The following AGBL1 variants were observed in gnomAD, a reference collection of about 807,000 sequenced individuals.
AGBL1 encodes the protein AGBL carboxypeptidase 1.
In AGBL1, 130 loss-of-function variants were observed where a neutral mutation model predicts 118.9. The ratio of observed to expected loss-of-function variants is 1.09; its 90% CI spans 0.95 to 1.26. The LOEUF (loss-of-function observed/expected upper bound fraction) is 1.26. Among genes scored for constraint, AGBL1 ranks in the 50% most tolerant of loss-of-function variants. AGBL1 has a pLI of 0.00. For synonymous variants in AGBL1, 555 were observed against 478.9 expected (o/e 1.16, Z -2.08); for missense variants, 1,584 against 1,298.1 (o/e 1.22, Z -3.38).
chr15:86,321,367 G>A (rs12443463), intron 17 of AGBL1, among the ~76,000 whole-genome samples: 99,109 of 151,602 alleles, frequency 0.65, 34,028 homozygotes, highest in African/African-American at 0.87. Flanking sequence ...TATTTAATCT[G>A]ACTTTTAACC....
chr15:86,433,622 A>G (rs2081966970), intron 18 of AGBL1, among the ~76,000 whole-genome samples: 1 of 152,150 alleles, frequency 6.6e-6, no homozygotes, highest in South Asian at 2.1e-4. Flanking sequence ...GGATGTTCCC[A>G]TGAGAACTCT....
chr15:86,498,873 C>G (rs2082885092), intron 18 of AGBL1, among the ~76,000 whole-genome samples: 1 of 151,802 alleles, frequency 6.6e-6, no homozygotes, highest in Non-Finnish European at 1.5e-5. Context: ...AAAGTACAGG[C>G]CTGAATTTTC....
intron 21 of AGBL1, among the ~76,000 whole-genome samples, chr15:86,667,206 GTATGTATC>G (rs61406174): frequency 0.11 from 5,204 of 46,644 alleles, 141 homozygotes; most frequent in East Asian, 0.33. Flanking sequence ...AGATATCTAT[GTATGTATC>G]TATGTATGTA....
chr15:86,979,289 C>T (rs1313953769), intron 23 of AGBL1, among the ~76,000 whole-genome samples: 1 of 152,080 alleles, frequency 6.6e-6, no homozygotes, highest in Non-Finnish European at 1.5e-5. Flanking sequence ...AAAATGCAAA[C>T]AAAAATTCGA....
At chr15:86,623,059 C>A (rs2084836447) in intron 21 of AGBL1, among the ~76,000 whole-genome samples, 1 of 152,142 alleles carries the variant, frequency 6.6e-6, no homozygotes, top group South Asian at 2.1e-4. Context: ...AGATAGTGCT[C>A]CAGCAGTAAT....
intron 22 of AGBL1, among the ~76,000 whole-genome samples, chr15:86,840,512 C>A (rs766925037): frequency 6.6e-6 from 1 of 152,140 alleles, no homozygotes; most frequent in Non-Finnish European, 1.5e-5. Flanking sequence ...ATGGCATGAT[C>A]TCGACTCACT....
At chr15:86,508,876 T>C (rs1197149281) in intron 18 of AGBL1, among the ~76,000 whole-genome samples, 1 of 152,162 alleles carries the variant, frequency 6.6e-6, no homozygotes, top group African/African-American at 2.4e-5. Context: ...TTTTAAAAAA[T>C]GCAAACATTT....
intron 9 of AGBL1, among the ~76,000 whole-genome samples, chr15:86,260,041 ATTC>A (rs1356440181): frequency 6.6e-6 from 1 of 152,266 alleles, no homozygotes; most frequent in Non-Finnish European, 1.5e-5. Flanking sequence ...CTTGAAAACT[ATTC>A]TTCAAAAGGC....
In AGBL1 at chr15:86,907,495, A is replaced by G. The variant is rs2080296655; in HGVS notation, c.*201A>G. 6.6e-6 allele frequency: 1 copy of G among 152,164 alleles called. No homozygotes were observed. Among genetic ancestry groups the G allele is most frequent in the African/African-American group, 2.4e-5 (1 of 41,426 alleles). 9.4% of individuals were successfully genotyped at this position (152,164 alleles called of 1,614,324 possible). A position where few individuals can be genotyped will look rare whatever the true frequency, so the allele number is the denominator to read the frequency against. ...TAGCCACTTTATAACATTTTATATT[A>G]GAGTTAGGTAGCCCTTGGGGCCTAT... On this transcript the variant is annotated 3_prime_UTR_variant, in exon 23 of 23. Transcript: ENST00000614907.
intron 22 of AGBL1, among the ~76,000 whole-genome samples, chr15:86,829,620 G>A (rs915854696): frequency 6.6e-6 from 1 of 152,070 alleles, no homozygotes; most frequent in South Asian, 2.1e-4. Context: ...CTGAGATAAG[G>A]ACACACAGGC....
In AGBL1 at chr15:86,667,523, T is replaced by C. The variant is rs116665660; in HGVS notation, c.2995-6750T>C. The stretch of plus-strand genomic sequence containing the variant: ...GCTCCACTGTCTTAGGTATTAGTAG[T>C]ATGAATAAATATTAGACTGTTTAAT... On this transcript the variant is annotated intron_variant, in intron 21 of 22. Transcript: ENST00000614907. Among the ~76,000 whole-genome samples the C allele has an allele frequency of 6.7e-3, 1,017 of 152,284 alleles. 8 individuals carry two copies. The highest frequency in any genetic ancestry group is 0.021 in the East Asian group (107 of 5,180).
intron 6 of AGBL1, among the ~76,000 whole-genome samples, chr15:86,228,114 G>C (rs975441744): frequency 8.5e-5 from 13 of 152,198 alleles, no homozygotes; most frequent in African/African-American, 3.1e-4. Flanking sequence ...TGAGTCAGGG[G>C]TTGCTGCAGG....
At chr15:86,612,145 G>T (rs2084665944) in intron 21 of AGBL1, among the ~76,000 whole-genome samples, 1 of 152,064 alleles carries the variant, frequency 6.6e-6, no homozygotes, top group Admixed American at 6.6e-5. Flanking sequence ...CTTTTTGGGA[G>T]ATTGTAGGGG....
At chr15:86,136,468 A>G (rs139986918) in intron 1 of AGBL1, among the ~76,000 whole-genome samples, 5 of 152,308 alleles carry the variant, frequency 3.3e-5, no homozygotes, top group African/African-American at 7.2e-5. Context: ...GCAGAGCCCA[A>G]TAGGAGCAGA....
At chr15:86,971,810 C>G (rs1365414528) in intron 23 of AGBL1, among the ~76,000 whole-genome samples, 1 of 151,930 alleles carries the variant, frequency 6.6e-6, no homozygotes, top group Non-Finnish European at 1.5e-5. Context: ...CCATAATCCC[C>G]CTGTGTCAAG....
At chr15:86,867,374 T>C (rs2079647627) in intron 22 of AGBL1, among the ~76,000 whole-genome samples, 1 of 152,194 alleles carries the variant, frequency 6.6e-6, no homozygotes, top group Non-Finnish European at 1.5e-5. Context: ...TCAACTCACC[T>C]ACTAGGTAGG....
intron 5 of AGBL1, among the ~76,000 whole-genome samples, chr15:86,171,694 G>A (rs1001470600): frequency 1.3e-5 from 2 of 152,100 alleles, no homozygotes; most frequent in African/African-American, 4.8e-5. Flanking sequence ...CATACTCTAT[G>A]TAAGGGCAAA....
chr15:86,107,350 A>G (rs990072961), intron 1 of AGBL1, among the ~76,000 whole-genome samples: 1 of 152,230 alleles, frequency 6.6e-6, no homozygotes, highest in Non-Finnish European at 1.5e-5. Context: ...CTGAGTTGCA[A>G]TCTAGGTTCT....
chr15:86,246,666 A>C (rs1232213479), intron 6 of AGBL1, among the ~76,000 whole-genome samples: 1 of 151,860 alleles, frequency 6.6e-6, no homozygotes, highest in African/African-American at 2.4e-5. Context: ...CAGAGGCAAC[A>C]GGGTATGACT....
Sources: allele counts gnomAD v4.1 joint callset (sites outside exome capture counted in the v4.1 genomes callset), GRCh38; gene constraint gnomAD v4.1.1; transcripts MANE v1.5; gene names NCBI Gene and HGNC (gene_info 2026-07-23, HGNC 2026-07-21).